The following IPO9 variants were observed in gnomAD, a reference collection of about 807,000 sequenced individuals.
IPO9 encodes the protein importin 9, also known as importin-9.
Under a neutral mutation model 128.6 loss-of-function variants are expected in IPO9, and 28 were observed. The ratio of observed to expected loss-of-function variants is 0.22; its 90% confidence interval spans 0.16 to 0.30. The LOEUF is 0.30. IPO9 is among the 10% of genes least tolerant of loss of function. The pLI is 1.00. For missense variants in IPO9, 935 were observed against 1,293.9 expected, an observed-to-expected ratio of 0.72 and a Z score of 4.26; for synonymous variants, 455 against 475.8, an observed-to-expected ratio of 0.96 and a Z score of 0.57.
At chr1:201,841,298 A>G (rs927007533) in intron 1 of IPO9, among the ~76,000 whole-genome samples, 1 of 152,246 alleles carries the variant, frequency 6.6e-6, no homozygotes, top group Non-Finnish European at 1.5e-5. Flanking sequence ...TGTGTTTTTC[A>G]CAAAGGTATG....
At chr1:201,858,754 G>C in intron 12 of IPO9, 101 bp from the exon 13 acceptor site, 1 of 1,236,156 alleles carries the variant, frequency 8.1e-7, no homozygotes, top group Non-Finnish European at 1.1e-6. Context: ...TCTTTTGGAA[G>C]AGATTGTGCT....
Position 201,851,974 on chromosome 1 carries a change from C to T in IPO9, c.515-130C>T, listed in dbSNP as rs531485035. The stretch of plus-strand genomic sequence containing the variant: ...TTTTGCTTTCACAGAATGAGACCAC[C>T]AGGCCAGTGTCTTTACCTGTGTGCT... On this transcript the variant is annotated intron_variant, in intron 4 of 23. Transcript: ENST00000361565. 283 of 502,016 alleles carry T rather than the reference C, an allele frequency of 5.6e-4. 1 individual carries two copies. Among genetic ancestry groups the T allele is most frequent in the African/African-American group, 4.9e-3 (254 of 51,964 alleles). The allele number at this position is 502,016 out of a possible 1,614,324, so 31.1% of individuals were successfully genotyped here.
rs1327406908 is a variant in IPO9, at chr1:201,882,456, A to C, written c.*6402A>C. On this transcript the variant is annotated 3_prime_UTR_variant, in exon 24 of 24. Coordinates refer to ENST00000361565, the MANE Select transcript of IPO9 (RefSeq NM_018085.5). ...CAAAAAAAAAAAAAAACAAAAAAAA[A>C]AACAAGTTTTGTGAATTTAAGTTTC... is the stretch of plus-strand genomic sequence containing the variant. 5 of 150,024 alleles carry C rather than the reference A, an allele frequency of 3.3e-5. No homozygotes were observed. The South Asian group carries it at 6.2e-4, about 19-fold the overall frequency. The allele number at this position is 150,024 out of a possible 1,614,324, so 9.3% of individuals were successfully genotyped here. A position where few individuals can be genotyped will look rare whatever the true frequency, so the allele number is the denominator to read the frequency against.
chr1:201,859,339 A>C (rs1335117426), intron 13 of IPO9, among the ~76,000 whole-genome samples: 1 of 151,784 alleles, frequency 6.6e-6, no homozygotes, highest in Non-Finnish European at 1.5e-5. Context: ...CCTCTAAAAC[A>C]GCCCAGAGGC....
At chr1:201,859,607 C>T (rs1680403141) in intron 13 of IPO9, among the ~76,000 whole-genome samples, 1 of 151,974 alleles carries the variant, frequency 6.6e-6, no homozygotes, top group Non-Finnish European at 1.5e-5. Context: ...TATTTTTGGC[C>T]AATATCCAAA....
At chr1:201,844,272 G>A (rs1221726760) in intron 1 of IPO9, among the ~76,000 whole-genome samples, 1 of 152,092 alleles carries the variant, frequency 6.6e-6, no homozygotes, top group Non-Finnish European at 1.5e-5. Flanking sequence ...TACTGAGAAG[G>A]ACACAGCATC....
intron 1 of IPO9, among the ~76,000 whole-genome samples, chr1:201,833,307 C>T (rs984412878): frequency 3.3e-5 from 5 of 150,758 alleles, no homozygotes; most frequent in Admixed American, 6.6e-5. Flanking sequence ...GGCATGATCT[C>T]GGCTCACTGC....
chr1:201,859,534 C>T (rs1571549928), intron 13 of IPO9, among the ~76,000 whole-genome samples: 1 of 152,138 alleles, frequency 6.6e-6, no homozygotes, highest in Non-Finnish European at 1.5e-5. Flanking sequence ...GTCCAGAATG[C>T]CCTCAGGCAT....
intron 13 of IPO9, among the ~76,000 whole-genome samples, chr1:201,860,264 GGT>G (rs1680419015): frequency 6.6e-6 from 1 of 152,146 alleles, no homozygotes; most frequent in Non-Finnish European, 1.5e-5. Context: ...ATTTTAAATA[GGT>G]AATCTATTAT....
At chr1:201,842,016 G>A (rs10800792) in intron 1 of IPO9, among the ~76,000 whole-genome samples, 68,884 of 151,846 alleles carry the variant, frequency 0.45, 15,948 homozygotes, top group Non-Finnish European at 0.49. Context: ...CACCAGCTGG[G>A]TGTCCTCCAA....
chr1:201,861,782 A>G (rs1459523364), intron 13 of IPO9, among the ~76,000 whole-genome samples: 1 of 152,254 alleles, frequency 6.6e-6, no homozygotes, highest in Non-Finnish European at 1.5e-5. Context: ...AAACAAGGGT[A>G]GTAATCCTTA....
At position 201,877,981 on chromosome 1, in the gene IPO9, A is replaced by C. The variant is rs914391611; in HGVS notation, c.*1927A>C. Reference sequence around the variant, plus strand: ...TGAATCTGAATCTCCACTCAAGGGGATGGCCCCAAGGATATTGTAGCTGGT... The same window carrying C: ...TGAATCTGAATCTCCACTCAAGGGGCTGGCCCCAAGGATATTGTAGCTGGT... On this transcript the variant is annotated 3_prime_UTR_variant, in exon 24 of 24. Coordinates refer to ENST00000361565, the MANE Select transcript of IPO9 (RefSeq NM_018085.5). The C allele has an allele frequency of 2.6e-5, 4 of 152,082 alleles. No homozygotes were observed. The highest frequency in any genetic ancestry group is 4.4e-5 in the Non-Finnish European group (3 of 68,034). 9.4% of individuals were successfully genotyped at this position (152,082 alleles called of 1,614,324 possible). A position where few individuals can be genotyped will look rare whatever the true frequency, so the allele number is the denominator to read the frequency against.
intron 14 of IPO9, among the ~76,000 whole-genome samples, chr1:201,865,114 A>C (rs1361686823): frequency 6.6e-6 from 1 of 151,672 alleles, no homozygotes; most frequent in East Asian, 1.9e-4. Context: ...TTCAGTCAAG[A>C]GTTTCCCTTT....
intron 1 of IPO9, among the ~76,000 whole-genome samples, chr1:201,844,067 A>T (rs1392234208): frequency 6.6e-6 from 1 of 152,174 alleles, no homozygotes; most frequent in Non-Finnish European, 1.5e-5. Flanking sequence ...TGGATGCTAA[A>T]ATCAGTGGGT....
At chr1:201,829,790 AGTG>A (rs1414481167) in intron 1 of IPO9, among the ~76,000 whole-genome samples, 1 of 152,086 alleles carries the variant, frequency 6.6e-6, no homozygotes, top group African/African-American at 2.4e-5. Context: ...TATTAGTAGG[AGTG>A]GTGAAGGGTA....
At position 201,871,389 on chromosome 1, in the gene IPO9, T is replaced by C. The variant is rs1458760299; in HGVS notation, c.2576+62T>C. ...CCACTCATATTTCTTTTTTTTTTTT[T>C]TTTTTTTTTTTTTTTTTGAGACAGT... On this transcript the variant is annotated intron_variant, in intron 19 of 23. Transcript: ENST00000361565. 17 of 1,072,940 alleles carry C rather than the reference T, an allele frequency of 1.6e-5. 1 individual carries two copies. The East Asian group carries it at 3.4e-4, about 22-fold the overall frequency. 66.5% of individuals were successfully genotyped at this position (1,072,940 alleles called of 1,614,324 possible).
At chr1:201,830,050 G>A (rs1156553592) in intron 1 of IPO9, among the ~76,000 whole-genome samples, 3 of 152,006 alleles carry the variant, frequency 2.0e-5, no homozygotes, top group Non-Finnish European at 2.9e-5. Flanking sequence ...CTTTGTCTCC[G>A]TCCTCTATTG....
At position 201,866,778 on chromosome 1, in the gene IPO9, G is replaced by A. The variant is rs61743350; in HGVS notation, c.1674G>A (p.Gln558=). The change falls in exon 15 of 24, where the codon CAG becomes CAA. Residue 558 remains glutamine (Q), a synonymous_variant. Transcript: ENST00000361565. ...TCTCAGAGAGTACCCACGTGCTCCAGCCCTTCCTCCCCAGCATCCTTGATG... is the reference window on the plus strand; with the variant it reads ...TCTCAGAGAGTACCCACGTGCTCCAACCCTTCCTCCCCAGCATCCTTGATG... ...LKVSESTHVL[Q]PFLPSILDGL... is the part of the protein sequence containing the mutation. 927 of 1,614,046 alleles carry A rather than the reference G, an allele frequency of 5.7e-4. 4 individuals carry two copies. In the African/African-American group the frequency reaches 0.011, roughly 19 times the overall value.
intron 14 of IPO9, among the ~76,000 whole-genome samples, chr1:201,864,634 A>C (rs1272256386): frequency 6.6e-6 from 1 of 152,166 alleles, no homozygotes; most frequent in Non-Finnish European, 1.5e-5. Flanking sequence ...CTGTGAGAGG[A>C]GTTTGGTATG....
Sources: allele counts gnomAD v4.1 joint callset (sites outside exome capture counted in the v4.1 genomes callset), GRCh38; gene constraint gnomAD v4.1.1; transcripts MANE v1.5; gene names NCBI Gene and HGNC (gene_info 2026-07-23, HGNC 2026-07-21).